The following IL1RAPL1 variants were observed in gnomAD, a reference collection of about 807,000 sequenced individuals.
IL1RAPL1 encodes interleukin-1 receptor accessory protein-like 1.
IL1RAPL1 carries 3 observed loss-of-function variants against 48.4 expected under a neutral mutation model. The observed-to-expected ratio is 0.06, with a 90% confidence interval of 0.03 to 0.16. The LOEUF (loss-of-function observed/expected upper bound fraction) is 0.16. Ranked by LOEUF, IL1RAPL1 falls within the 10% of genes least tolerant of loss-of-function variation. The probability of loss-of-function intolerance (pLI) is 1.00; values close to 1 mark genes in which losing one functional copy is unlikely to be tolerated. For missense variants in IL1RAPL1, 349 were observed against 530.6 expected, an observed-to-expected ratio of 0.66 and a Z score of 3.36; for synonymous variants, 185 against 187.7, an observed-to-expected ratio of 0.99 and a Z score of 0.12.
At chrX:29,622,731 A>G (rs1430046137) in intron 5 of IL1RAPL1, among the ~76,000 whole-genome samples, 2 of 111,396 alleles carry the variant, frequency 1.8e-5, no homozygotes, top group Non-Finnish European at 3.8e-5. Context: ...CAAATATTAT[A>G]TTTATAATGG....
intron 1 of IL1RAPL1, among the ~76,000 whole-genome samples, chrX:28,756,980 T>C (rs1173835973): frequency 1.8e-5 from 2 of 112,111 alleles, no homozygotes; most frequent in African/African-American, 6.5e-5. Context: ...ATCTATCTTA[T>C]AGAATCATTG....
intron 5 of IL1RAPL1, among the ~76,000 whole-genome samples, chrX:29,537,805 C>G (rs1019269068): frequency 2.7e-5 from 3 of 111,348 alleles, no homozygotes; most frequent in African/African-American, 9.8e-5. Context: ...ATTTTCTCTC[C>G]TTTCACAGCA....
At chrX:28,724,297 A>G (rs1935633835) in intron 1 of IL1RAPL1, among the ~76,000 whole-genome samples, 2 of 111,752 alleles carry the variant, frequency 1.8e-5, no homozygotes, top group Non-Finnish European at 1.9e-5. Flanking sequence ...GTGCATATAT[A>G]TTTAAGATAG....
chrX:29,104,772 A>T (rs866069807), intron 2 of IL1RAPL1, among the ~76,000 whole-genome samples: 4 of 108,716 alleles, frequency 3.7e-5, no homozygotes, highest in African/African-American at 1.0e-4. Flanking sequence ...ACAAAAAAAA[A>T]TTTAAGAAAA....
intron 5 of IL1RAPL1, among the ~76,000 whole-genome samples, chrX:29,649,501 A>G (rs777171294): frequency 2.7e-5 from 3 of 112,128 alleles, no homozygotes; most frequent in Non-Finnish European, 5.7e-5. Flanking sequence ...AGACCACATA[A>G]TCATTTCAAT....
intron 3 of IL1RAPL1, among the ~76,000 whole-genome samples, chrX:29,324,442 G>C (rs1392014493): frequency 1.8e-5 from 2 of 111,415 alleles, no homozygotes; most frequent in Non-Finnish European, 3.8e-5. Context: ...AATAGACTGA[G>C]TGGGAAAAAT....
intron 6 of IL1RAPL1, among the ~76,000 whole-genome samples, chrX:29,800,397 A>G (rs1336991923): frequency 2.7e-5 from 3 of 110,610 alleles, no homozygotes; most frequent in Non-Finnish European, 5.7e-5. Context: ...TCATGATTCA[A>G]TTATCTAACT....
intron 8 of IL1RAPL1, among the ~76,000 whole-genome samples, chrX:29,926,689 G>A (rs1932894646): frequency 9.0e-6 from 1 of 111,266 alleles, no homozygotes; most frequent in African/African-American, 3.3e-5. Context: ...TGTCGTTGTG[G>A]GGGCTGTCCT....
intron 2 of IL1RAPL1, among the ~76,000 whole-genome samples, chrX:28,810,659 C>T (rs1356000348): frequency 9.1e-6 from 1 of 109,638 alleles, no homozygotes; most frequent in Non-Finnish European, 1.9e-5. Context: ...TTTTTGTATG[C>T]CACTAGATAG....
intron 2 of IL1RAPL1, among the ~76,000 whole-genome samples, chrX:28,959,508 G>A (rs1237120734): frequency 9.0e-6 from 1 of 111,470 alleles, no homozygotes. Flanking sequence ...TTGCCAATTT[G>A]GTAGGTGAAA....
At chrX:28,766,613 G>A (rs773903989) in intron 1 of IL1RAPL1, among the ~76,000 whole-genome samples, 24 of 110,559 alleles carry the variant, frequency 2.2e-4, no homozygotes, top group African/African-American at 5.9e-4. Flanking sequence ...ACCCTGTTGT[G>A]CTATCACATA....
chrX:29,278,680 C>A (rs944074900), intron 2 of IL1RAPL1, among the ~76,000 whole-genome samples: 4 of 112,248 alleles, frequency 3.6e-5, no homozygotes, highest in Non-Finnish European at 5.6e-5. Flanking sequence ...GAATTACATA[C>A]AATTAATGTG....
chrX:29,927,456 T>TA (rs999355490), intron 8 of IL1RAPL1, among the ~76,000 whole-genome samples: 4 of 111,809 alleles, frequency 3.6e-5, no homozygotes, highest in African/African-American at 1.3e-4. Context: ...ACTCTACTCT[T>TA]AATGAGGTTA....
chrX:29,481,299 G>A (rs1179678849), intron 5 of IL1RAPL1, among the ~76,000 whole-genome samples: 9 of 112,437 alleles, frequency 8.0e-5, no homozygotes, highest in Admixed American at 4.7e-4. Context: ...TAGTCACTAC[G>A]GTTCCTTCAA....
In IL1RAPL1 at chrX:29,081,029, CTTTTCT is replaced by C. The variant is rs745579502; in HGVS notation, c.83-201905_83-201900del. On this transcript the variant is annotated intron_variant, in intron 2 of 10. Coordinates refer to ENST00000378993, the MANE Select transcript of IL1RAPL1 (RefSeq NM_014271.4). ...CTCTCTCTCTCTCTCTCTTTCTTTT[CTTTTCT>C]TTTCTTTTCTTTTCTTTTCTTTTCT... is the stretch of plus-strand genomic sequence containing the variant. Among the ~76,000 whole-genome samples the C allele has an allele frequency of 6.5e-4, 27 of 41,525 alleles. 1 individual carries two copies. The highest frequency in any genetic ancestry group is 1.3e-3 in the South Asian group (1 of 796). The allele number at this position is 41,525 out of a possible 115,157, so 36.1% of individuals were successfully genotyped here.
At chrX:28,689,402 G>A (rs767225203) in intron 1 of IL1RAPL1, among the ~76,000 whole-genome samples, 7 of 110,950 alleles carry the variant, frequency 6.3e-5, no homozygotes, top group African/African-American at 2.0e-4. Flanking sequence ...AGAAGTACAT[G>A]TTTGCTTCCC....
At chrX:29,837,812 GTTAT>G (rs777730737) in intron 6 of IL1RAPL1, among the ~76,000 whole-genome samples, 1 of 111,913 alleles carries the variant, frequency 8.9e-6, no homozygotes, top group Non-Finnish European at 1.9e-5. Flanking sequence ...GTCATCTCGT[GTTAT>G]TTATTTATTT....
At chrX:28,872,801 T>C (rs1476946825) in intron 2 of IL1RAPL1, among the ~76,000 whole-genome samples, 1 of 112,402 alleles carries the variant, frequency 8.9e-6, no homozygotes, top group Non-Finnish European at 1.9e-5. Flanking sequence ...AGGCATTTTG[T>C]AGTAGAGACT....
rs1569173295 is a variant in IL1RAPL1, at chrX:29,802,989, A to ATAGATG, written c.779-114473_779-114472insGATGTA. Among the ~76,000 whole-genome samples, 67 of 41,768 alleles carry ATAGATG rather than the reference A, an allele frequency of 1.6e-3. 4 individuals are homozygous for ATAGATG. The highest frequency in any genetic ancestry group is 6.1e-3 in the African/African-American group (57 of 9,361). The allele number at this position is 41,768 out of a possible 115,157, so 36.3% of individuals were successfully genotyped here. A position where few individuals can be genotyped will look rare whatever the true frequency, so the allele number is the denominator to read the frequency against. The stretch of plus-strand genomic sequence containing the variant: ...TGTACATATATACATACATGTGTAC[A>ATAGATG]TATATATGTATGCATATATACATAT... On this transcript the variant is annotated intron_variant, in intron 6 of 10. Transcript: ENST00000378993.
Sources: gnomAD v4.1 joint callset for allele counts (sites outside exome capture counted in the v4.1 genomes callset) on GRCh38, gnomAD v4.1.1 for gene constraint, MANE v1.5 for transcripts, NCBI Gene and HGNC (gene_info 2026-07-23, HGNC 2026-07-21) for gene names.